The following RFC4 variants were observed in gnomAD, a reference collection of about 807,000 sequenced individuals.
RFC4 encodes A1 37 kDa subunit.
In RFC4, 38 loss-of-function variants were observed where a neutral mutation model predicts 47.6. That is an observed-to-expected ratio of 0.80 (90% confidence interval 0.62 to 1.05). The LOEUF (loss-of-function observed/expected upper bound fraction) is 1.05. Among genes scored for constraint, RFC4 ranks in the 50% least tolerant of loss-of-function variants. The pLI is 0.00. For missense variants in RFC4, 489 were observed against 434.0 expected, an observed-to-expected ratio of 1.13 and a Z score of -1.13; for synonymous variants, 164 against 150.0, an observed-to-expected ratio of 1.09 and a Z score of -0.68.
intron 3 of RFC4, 118 bp downstream of exon 3, chr3:186,800,999 G>T (rs1169866035): frequency 2.8e-6 from 2 of 707,462 alleles, no homozygotes; most frequent in South Asian, 1.8e-5. Context: ...AGTTATCAAG[G>T]ACCTACTGTA....
chr3:186,794,839 C>T, intron 4 of RFC4, 62 bp from the exon 5 acceptor site: 1 of 1,576,464 alleles, frequency 6.3e-7, no homozygotes, highest in Admixed American at 1.7e-5. Context: ...CACATTTTAA[C>T]ATTTGCACAC....
Position 186,789,937 on chromosome 3 carries a change from TTTACAA to T in RFC4, c.*26_*31del. The T allele has an allele frequency of 1.5e-6, 2 of 1,337,188 alleles. No homozygotes were observed. Among genetic ancestry groups the T allele is most frequent in the South Asian group, 2.5e-5 (2 of 81,294 alleles). The allele number at this position is 1,337,188 out of a possible 1,614,324, so 82.8% of individuals were successfully genotyped here. ...TTTTATTTTTATTACAACTTCATTA[TTTACAA>T]AACCCCCCATCCAGATATATTCACG... On this transcript the variant is annotated 3_prime_UTR_variant, in exon 11 of 11. Transcript: ENST00000296273.
In RFC4 at chr3:186,789,908, G is replaced by T; in HGVS notation, c.*61C>A. On this transcript the variant is annotated 3_prime_UTR_variant, in exon 11 of 11. Transcript: ENST00000296273. ...TATATTCACTTTAAAGGTGCTTTTG[G>T]TCATTTTATTTTTATTACAACTTCA... 9.3e-7 allele frequency: 1 copy of T among 1,075,416 alleles called. No homozygotes were observed. The highest frequency in any genetic ancestry group is 1.4e-6 in the Non-Finnish European group (1 of 717,710). The allele number at this position is 1,075,416 out of a possible 1,614,324, so 66.6% of individuals were successfully genotyped here. A position where few individuals can be genotyped will look rare whatever the true frequency, so the allele number is the denominator to read the frequency against.
chr3:186,804,202 A>C (rs374781544), intron 2 of RFC4, among the ~76,000 whole-genome samples: 15 of 152,252 alleles, frequency 9.9e-5, no homozygotes, highest in Admixed American at 3.9e-4. Context: ...AATAATAATA[A>C]TAATACTTTC....
intron 9 of RFC4, 31 bp downstream of exon 9, chr3:186,790,294 TC>T: frequency 6.2e-7 from 1 of 1,611,394 alleles, no homozygotes; most frequent in Non-Finnish European, 8.5e-7. Context: ...GACTTAATAT[TC>T]CTTTCCCCAA....
intron 4 of RFC4, 78 bp from the exon 5 acceptor site, chr3:186,794,855 A>G: frequency 1.3e-6 from 2 of 1,519,932 alleles, no homozygotes; most frequent in Non-Finnish European, 9.0e-7. Context: ...CACACTTTGC[A>G]GACGTTTAAA....
intron 8 of RFC4, chr3:186,791,516 T>C: frequency 1.7e-6 from 1 of 572,790 alleles, no homozygotes; most frequent in Non-Finnish European, 3.1e-6. Flanking sequence ...GTCCTTTTCT[T>C]TCCTGAAATG....
At chr3:186,802,575 T>G (rs1041313690) in intron 2 of RFC4, among the ~76,000 whole-genome samples, 2 of 152,210 alleles carry the variant, frequency 1.3e-5, no homozygotes. Flanking sequence ...TGAAGTATCA[T>G]ATATAATTTT....
intron 2 of RFC4, among the ~76,000 whole-genome samples, chr3:186,802,790 T>C (rs1722386250): frequency 6.6e-6 from 1 of 152,160 alleles, no homozygotes. Context: ...CAGGGACTCA[T>C]ATTCAAATAC....
In RFC4 at chr3:186,806,245, G is replaced by A. The variant is rs558200546; in HGVS notation, c.-12+45C>T. The A allele has an allele frequency of 2.6e-5, 4 of 152,426 alleles. No homozygotes were observed. In the East Asian group the frequency reaches 7.7e-4, roughly 29 times the overall value. The allele number at this position is 152,426 out of a possible 1,614,324, so 9.4% of individuals were successfully genotyped here. The stretch of plus-strand genomic sequence containing the variant: ...ACCTCACAAGGGGCATCAAGGGCAG[G>A]AGTGGGGAAGGCGAAGCGGGCTTGC... On this transcript the variant is annotated intron_variant, in intron 1 of 10. Transcript: ENST00000296273.
In RFC4 at chr3:186,794,570, G is replaced by T. The variant is rs146687226; in HGVS notation, c.410+88C>A. 4.7e-5 allele frequency: 62 copies of T among 1,320,668 alleles called. No individual in the cohort carries two copies. In the African/African-American group the frequency reaches 8.4e-4, roughly 18 times the overall value. The allele number at this position is 1,320,668 out of a possible 1,614,324, so 81.8% of individuals were successfully genotyped here. A position where few individuals can be genotyped will look rare whatever the true frequency, so the allele number is the denominator to read the frequency against. Reference sequence around the variant, plus strand: ...TTGACAATTTGGCAGAAATACACTTGATCTTAGCCAAAAGGCTGAGGAGCG... The same window carrying T: ...TTGACAATTTGGCAGAAATACACTTTATCTTAGCCAAAAGGCTGAGGAGCG... On this transcript the variant is annotated intron_variant, in intron 5 of 10. Transcript: ENST00000296273.
chr3:186,804,772 T>C (rs1722440616), intron 1 of RFC4, 48 bp from the exon 2 acceptor site: 2 of 1,574,456 alleles, frequency 1.3e-6, no homozygotes, highest in Non-Finnish European at 1.7e-6. Context: ...GAAACTTTTA[T>C]TGCGAATCAG....
chr3:186,804,572 A>G lies in RFC4; in HGVS notation c.131+11T>C, dbSNP rs1722433777. 6.2e-7 allele frequency: 1 copy of G among 1,612,912 alleles called. No individual in the cohort carries two copies. The highest frequency in any genetic ancestry group is 8.5e-7 in the Non-Finnish European group (1 of 1,179,466). On this transcript the variant is annotated intron_variant, in intron 2 of 10. Transcript: ENST00000296273. ...TATGAATTATTTTAACAAAGACACA[A>G]GTGTTCTTACTATTTTTCCACCCAG...
intron 8 of RFC4, chr3:186,791,416 G>A (rs1399907233): frequency 1.3e-5 from 4 of 306,824 alleles, no homozygotes; most frequent in Non-Finnish European, 1.9e-5. Flanking sequence ...GTTGCAGTGA[G>A]TCGGTATTGC....
intron 4 of RFC4, among the ~76,000 whole-genome samples, chr3:186,797,301 T>C (rs6766758): frequency 0.016 from 2,409 of 152,214 alleles, 56 homozygotes; most frequent in African/African-American, 0.053. Context: ...GAAAAAATCA[T>C]AGGCTCCCCA....
In RFC4 at chr3:186,801,157, T is replaced by A; in HGVS notation, c.170A>T (p.Glu57Val). The A allele has an allele frequency of 6.2e-7, 1 of 1,614,134 alleles. No homozygotes were observed. Among genetic ancestry groups the A allele is most frequent in the Non-Finnish European group, 8.5e-7 (1 of 1,180,014 alleles). ...KCVDEVAFQE[E>V]VVAVLKKSLE... The stretch of plus-strand genomic sequence containing the variant: ...AGATTTTTTCAGCACTGCAACCACT[T>A]CTTCCTGGAAAGCAACTTCATCCAC... Residue 57 changes from glutamate to valine, a missense_variant, in exon 3 of 11, where the codon GAA becomes GTA. Physicochemically the swap from Glu to Val is moderately radical, Grantham distance 121. Around this residue, in one of 2 missense-constraint regions of RFC4, gnomAD observed 206 missense variants for 257.8 expected, o/e 0.80. Transcript: ENST00000296273.
chr3:186,797,436 C>T (rs56150850), intron 4 of RFC4, 99 bp downstream of exon 4: 10,075 of 810,642 alleles, frequency 0.012, 232 homozygotes, highest in East Asian at 0.082. Context: ...AACTATCCTA[C>T]AGAAAACGAA....
chr3:186,799,765 T>G (rs1722313886), intron 3 of RFC4, among the ~76,000 whole-genome samples: 1 of 152,008 alleles, frequency 6.6e-6, no homozygotes, highest in Non-Finnish European at 1.5e-5. Flanking sequence ...TCTCACTACA[T>G]TTGCTGAAGA....
At chr3:186,790,578 G>A (rs1250179471) in intron 8 of RFC4, among the ~76,000 whole-genome samples, 172 bp from the exon 9 acceptor site, 4 of 152,176 alleles carry the variant, frequency 2.6e-5, no homozygotes, top group East Asian at 1.9e-4. Flanking sequence ...TCACCACTAA[G>A]CAACCAAGGT....
Sources: allele counts gnomAD v4.1 joint callset (sites outside exome capture counted in the v4.1 genomes callset), GRCh38; gene constraint gnomAD v4.1.1; regional missense constraint gnomAD v4.1.1; transcripts MANE v1.5; gene names NCBI Gene and HGNC (gene_info 2026-07-23, HGNC 2026-07-21).